The following RALGPS2 variants were observed in gnomAD, a reference collection of about 807,000 sequenced individuals.
The protein encoded by RALGPS2 is Ral GEF with PH domain and SH3 binding motif 2.
A neutral mutation model predicts 86.8 loss-of-function variants in RALGPS2; 43 were observed. The observed-to-expected ratio is 0.50, with a 90% CI of 0.39 to 0.64. The LOEUF (loss-of-function observed/expected upper bound fraction) is 0.64, where lower values mean the gene tolerates loss of function less well. Ranked by LOEUF, RALGPS2 falls within the 30% of genes least tolerant of loss-of-function variation. RALGPS2 has a pLI of 0.00. For missense variants in RALGPS2, 536 were observed against 694.6 expected (o/e 0.77, Z 2.57); for synonymous variants, 243 against 231.3 (o/e 1.05, Z -0.46).
rs890936261 is a variant in RALGPS2, at chr1:178,850,176, A to G, written c.607+16626A>G. The G allele has an allele frequency of 2.0e-5, 3 of 152,616 alleles. No homozygotes were observed. The South Asian group carries it at 6.2e-4, about 32-fold the overall frequency. 9.5% of individuals were successfully genotyped at this position (152,616 alleles called of 1,614,324 possible). On this transcript the variant is annotated intron_variant, in intron 8 of 19. Coordinates refer to ENST00000367635, the MANE Select transcript of RALGPS2 (RefSeq NM_152663.5). ...AGTTCCTTGAGTTTGTTTTAGTCCC[A>G]CCTGTTCTGAGCATGCACTAATACT...
chr1:178,736,845 C>T (rs972860663), intron 1 of RALGPS2, among the ~76,000 whole-genome samples: 5 of 152,010 alleles, frequency 3.3e-5, no homozygotes, highest in African/African-American at 1.2e-4. Flanking sequence ...CTGCAGTGGC[C>T]ATGATCGAGC....
At chr1:178,739,510 A>G (rs553845403) in intron 1 of RALGPS2, among the ~76,000 whole-genome samples, 1 of 152,330 alleles carries the variant, frequency 6.6e-6, no homozygotes, top group South Asian at 2.1e-4. Flanking sequence ...TTGAAACAGC[A>G]TGACTCAAGA....
intron 7 of RALGPS2, among the ~76,000 whole-genome samples, chr1:178,827,915 A>C (rs1400020438): frequency 1.3e-5 from 2 of 152,206 alleles, no homozygotes; most frequent in Admixed American, 6.5e-5. Context: ...GTCCGCATGC[A>C]AAAGAATGAA....
At chr1:178,736,413 C>T (rs1362970973) in intron 1 of RALGPS2, among the ~76,000 whole-genome samples, 3 of 151,898 alleles carry the variant, frequency 2.0e-5, no homozygotes, top group Admixed American at 6.6e-5. Context: ...CCAGCCACCT[C>T]GGCCTCCCAA....
chr1:178,726,468 G>GGGGT (rs1365382773), intron 1 of RALGPS2, among the ~76,000 whole-genome samples: 7 of 151,980 alleles, frequency 4.6e-5, no homozygotes, highest in Non-Finnish European at 1.0e-4. Context: ...TGAGTTGGGA[G>GGGGT]GGGTAAGGGA....
At chr1:178,794,197 A>G (rs1167545969) in intron 4 of RALGPS2, among the ~76,000 whole-genome samples, 1 of 151,634 alleles carries the variant, frequency 6.6e-6, no homozygotes, top group Non-Finnish European at 1.5e-5. Flanking sequence ...GTTCACTGCA[A>G]CCTCTGCTTC....
intron 8 of RALGPS2, among the ~76,000 whole-genome samples, chr1:178,871,536 G>T (rs1658758136): frequency 6.6e-6 from 1 of 151,976 alleles, no homozygotes; most frequent in Admixed American, 6.6e-5. Flanking sequence ...AGTTGCTAAT[G>T]AAGGTTTTAA....
chr1:178,895,503 G>A (rs1659901705), intron 16 of RALGPS2, among the ~76,000 whole-genome samples: 1 of 152,046 alleles, frequency 6.6e-6, no homozygotes, highest in Non-Finnish European at 1.5e-5. Flanking sequence ...AGAATGATGG[G>A]GCAAGGAGGG....
chr1:178,902,266 G>T, intron 18 of RALGPS2, 55 bp downstream of exon 18: 1 of 1,281,306 alleles, frequency 7.8e-7, no homozygotes, highest in Non-Finnish European at 1.1e-6. Flanking sequence ...TTGTGTATAT[G>T]TATGTATGTA....
rs185881294 is a variant in RALGPS2 at position 178,909,806 on chromosome 1, C to T, written c.1722+2939C>T. Among the ~76,000 whole-genome samples, 1,081 of 151,746 alleles carry T rather than the reference C, an allele frequency of 7.1e-3. 6 individuals carry two copies. Among genetic ancestry groups the T allele is most frequent in the Non-Finnish European group, 0.011 (738 of 67,854 alleles). Reference sequence around the variant, plus strand: ...CTGGGAGTACAGGCGTATGCCACCACGCCCAGCTAATTTTTTGTATTTTTA... The same window carrying T: ...CTGGGAGTACAGGCGTATGCCACCATGCCCAGCTAATTTTTTGTATTTTTA... On this transcript the variant is annotated intron_variant, in intron 19 of 19. Coordinates refer to ENST00000367635, the MANE Select transcript of RALGPS2 (RefSeq NM_152663.5).
chr1:178,749,756 A>G (rs886720342), intron 1 of RALGPS2, among the ~76,000 whole-genome samples: 2 of 149,258 alleles, frequency 1.3e-5, no homozygotes, highest in African/African-American at 2.6e-5. Flanking sequence ...GCACAGAGGT[A>G]GAGAGTGCCT....
At chr1:178,855,087 T>G (rs1226360664) in intron 8 of RALGPS2, among the ~76,000 whole-genome samples, 1 of 152,112 alleles carries the variant, frequency 6.6e-6, no homozygotes, top group Non-Finnish European at 1.5e-5. Context: ...AGTAAAGTTC[T>G]TAACAAGAAT....
chr1:178,776,063 T>A (rs1000303873), intron 1 of RALGPS2, among the ~76,000 whole-genome samples: 2 of 152,132 alleles, frequency 1.3e-5, no homozygotes, highest in Admixed American at 6.6e-5. Context: ...CCGGAGATGA[T>A]TTAAAGTATA....
chr1:178,865,484 T>G (rs761969030), intron 8 of RALGPS2: 4 of 1,614,098 alleles, frequency 2.5e-6, no homozygotes, highest in Non-Finnish European at 2.5e-6. Context: ...AACATCTATC[T>G]CCCGCTTCTG....
At chr1:178,913,245 G>A (rs186667867) in intron 19 of RALGPS2, among the ~76,000 whole-genome samples, 8 of 150,748 alleles carry the variant, frequency 5.3e-5, no homozygotes, top group African/African-American at 7.3e-5. Context: ...TCATGCCACC[G>A]CACTCCAGCC....
intron 1 of RALGPS2, chr1:178,746,779 G>A: frequency 2.3e-6 from 2 of 887,162 alleles, no homozygotes; most frequent in Non-Finnish European, 3.9e-6. Context: ...TGGCCTTTCT[G>A]TCCTCTCACA....
At chr1:178,768,587 T>G (rs1482739567) in intron 1 of RALGPS2, among the ~76,000 whole-genome samples, 1 of 152,222 alleles carries the variant, frequency 6.6e-6, no homozygotes, top group African/African-American at 2.4e-5. Flanking sequence ...CCTTGTTTAC[T>G]GGGAGATGCT....
At position 178,902,222 on chromosome 1, in the gene RALGPS2, A is replaced by G; in HGVS notation, c.1630+11A>G. 1 of 1,593,568 alleles carries G rather than the reference A, an allele frequency of 6.3e-7. No individual in the cohort carries two copies. On this transcript the variant is annotated intron_variant, in intron 18 of 19. Coordinates refer to ENST00000367635, the MANE Select transcript of RALGPS2 (RefSeq NM_152663.5). The stretch of plus-strand genomic sequence containing the variant: ...CTGACTCTGAGAAAGGTGAATTGTT[A>G]GAATAACTGGGGCTTACGATACTGC...
At chr1:178,776,623 A>T in intron 1 of RALGPS2, 59 bp from the exon 2 acceptor site, 1 of 540,352 alleles carries the variant, frequency 1.9e-6, no homozygotes, top group Admixed American at 3.7e-5. Flanking sequence ...TGGTAGGCAT[A>T]GAGTTGTTTT....
Sources: allele counts gnomAD v4.1 joint callset (sites outside exome capture counted in the v4.1 genomes callset), GRCh38; gene constraint gnomAD v4.1.1; transcripts MANE v1.5; gene names NCBI Gene and HGNC (gene_info 2026-07-23, HGNC 2026-07-21).